Variants in MTUS1 observed in about 807,000 individuals in gnomAD.
MTUS1 encodes the protein microtubule-associated tumor suppressor 1.
MTUS1 carries 109 observed loss-of-function variants against 120.8 expected under a neutral mutation model. The observed-to-expected ratio is 0.90, with a 90% CI of 0.77 to 1.06. The LOEUF is 1.06. MTUS1 is among the 50% of genes least tolerant of loss of function. The pLI is 0.00. For missense variants in MTUS1, 2,210 were observed against 1,486.3 expected (o/e 1.49, Z -8.01); for synonymous variants, 737 against 550.5 (o/e 1.34, Z -4.74).
chr8:17,708,390 CAAT>C (rs1820579674), intron 6 of MTUS1, among the ~76,000 whole-genome samples: 1 of 152,112 alleles, frequency 6.6e-6, no homozygotes, highest in Non-Finnish European at 1.5e-5. Context: ...ATTGAAACAA[CAAT>C]GAGGTATCAC....
intron 5 of MTUS1, among the ~76,000 whole-genome samples, chr8:17,715,358 TAAAG>T (rs1412531209): frequency 6.6e-6 from 1 of 152,116 alleles, no homozygotes; most frequent in African/African-American, 2.4e-5. Flanking sequence ...GGAACAGAGA[TAAAG>T]AACATTTAGA....
chr8:17,648,212 C>G (rs770278878), intron 13 of MTUS1, among the ~76,000 whole-genome samples: 5 of 152,168 alleles, frequency 3.3e-5, no homozygotes, highest in Admixed American at 6.5e-5. Context: ...TTCTAAGTCT[C>G]TTAATTTCAT....
intron 1 of MTUS1, among the ~76,000 whole-genome samples, chr8:17,787,272 G>C (rs1287467197): frequency 6.6e-6 from 1 of 152,202 alleles, no homozygotes; most frequent in Non-Finnish European, 1.5e-5. Context: ...AAAGTCCACA[G>C]TGTTCCCACA....
In MTUS1 at chr8:17,644,863, T is replaced by A. The variant is rs1484618372; in HGVS notation, c.*1063A>T. 6.6e-6 allele frequency: 1 copy of A among 152,186 alleles called. No homozygotes were observed. Among genetic ancestry groups the A allele is most frequent in the African/African-American group, 2.4e-5 (1 of 41,436 alleles). The allele number at this position is 152,186 out of a possible 1,614,324, so 9.4% of individuals were successfully genotyped here. A position where few individuals can be genotyped will look rare whatever the true frequency, so the allele number is the denominator to read the frequency against. ...GCTCTGGGGCTCTGGAAAATCATAT[T>A]CCTTTATCCTTGTCCCAGAGAAAAG... On this transcript the variant is annotated 3_prime_UTR_variant, in exon 15 of 15. Coordinates refer to ENST00000693296, the MANE Select transcript of MTUS1 (RefSeq NM_001363059.2).
chr8:17,739,548 T>C (rs193023695), intron 3 of MTUS1, among the ~76,000 whole-genome samples: 1 of 152,100 alleles, frequency 6.6e-6, no homozygotes, highest in East Asian at 1.9e-4. Context: ...CTCATGGCCA[T>C]ACTAATAGTA....
chr8:17,675,679 T>C (rs1373226996), intron 7 of MTUS1, among the ~76,000 whole-genome samples: 1 of 152,156 alleles, frequency 6.6e-6, no homozygotes, highest in Non-Finnish European at 1.5e-5. Context: ...TGTCCTATAT[T>C]TGCACATAAA....
intron 3 of MTUS1, among the ~76,000 whole-genome samples, chr8:17,728,789 G>A (rs1196827888): frequency 2.6e-5 from 4 of 151,010 alleles, no homozygotes; most frequent in South Asian, 2.1e-4. Context: ...GGTTGGGGGG[G>A]TCGGGGAGGG....
intron 1 of MTUS1, among the ~76,000 whole-genome samples, chr8:17,758,461 T>C (rs2048792107): frequency 6.6e-6 from 1 of 152,256 alleles, no homozygotes; most frequent in South Asian, 2.1e-4. Flanking sequence ...TATAACTCCT[T>C]AGTGAAATCA....
chr8:17,709,377 C>G (rs899436875), intron 6 of MTUS1, among the ~76,000 whole-genome samples: 1 of 152,156 alleles, frequency 6.6e-6, no homozygotes, highest in Admixed American at 6.6e-5. Context: ...ACAAGACAAC[C>G]CTCCTTCCTA....
rs1270356149 is a variant in MTUS1, at chr8:17,700,298, G to A, written c.2623+12916C>T. On this transcript the variant is annotated intron_variant, in intron 6 of 14. Coordinates refer to ENST00000693296, the MANE Select transcript of MTUS1 (RefSeq NM_001363059.2). ...AGCCTGGCCAACATGGTGAAACCCC[G>A]TCTCTACTAAAAACACAAAAAATTA... is the stretch of plus-strand genomic sequence containing the variant. Among the ~76,000 whole-genome samples the A allele has an allele frequency of 4.6e-5, 7 of 151,672 alleles. No individual in the cohort carries two copies. The East Asian group carries it at 1.2e-3, about 25-fold the overall frequency.
At chr8:17,740,185 TC>T (rs148605375) in intron 3 of MTUS1, among the ~76,000 whole-genome samples, 2,438 of 150,682 alleles carry the variant, frequency 0.016, 75 homozygotes, top group African/African-American at 0.056. Flanking sequence ...TCCAGCCTGA[TC>T]AACAGAGCGA....
At chr8:17,732,768 A>G (rs113451367) in intron 3 of MTUS1, among the ~76,000 whole-genome samples, 38 of 152,202 alleles carry the variant, frequency 2.5e-4, no homozygotes, top group African/African-American at 7.0e-4. Context: ...CAACATGGTC[A>G]TGTTCATCCG....
At position 17,655,905 on chromosome 8, in the gene MTUS1, G is replaced by A. The variant is rs12224; in HGVS notation, c.3066C>T (p.Tyr1022=). The A allele has an allele frequency of 0.084, 135,109 of 1,614,014 alleles. 6,236 individuals are homozygous for A. Among genetic ancestry groups the A allele is most frequent in the African/African-American group, 0.12 (8,699 of 75,020 alleles). Residue 1022 remains tyrosine (Y), a synonymous_variant, in exon 9 of 15, where the codon TAC becomes TAT. Coordinates refer to ENST00000693296, the MANE Select transcript of MTUS1 (RefSeq NM_001363059.2). ...TREYEKLRDT[Y]IEEAEKYKMQ... is the part of the protein sequence containing the mutation. ...TTTTGTACTTCTCTGCTTCTTCAAT[G>A]TAAGTGTCCCGAAGCTTTTCATACT...
chr8:17,656,228 T>C lies in MTUS1; in HGVS notation c.2906-163A>G, dbSNP rs576647653. ...CAAATATAACAGTATGGAAGTGAAC[T>C]GTAAAAAGGAACACGAGGGCAGGGC... On this transcript the variant is annotated intron_variant, in intron 8 of 14. Transcript: ENST00000693296. 4.4e-3 allele frequency among the ~76,000 whole-genome samples: 671 copies of C among 152,242 alleles called. 9 individuals are homozygous for C. Among genetic ancestry groups the C allele is most frequent in the African/African-American group, 0.015 (622 of 41,536 alleles).
chr8:17,762,604 G>C (rs1179082140), intron 1 of MTUS1, among the ~76,000 whole-genome samples: 2 of 152,158 alleles, frequency 1.3e-5, no homozygotes, highest in Admixed American at 6.5e-5. Context: ...CTATGAAGTT[G>C]CTTAAATCAA....
At chr8:17,725,423 C>CT (rs2046160117) in intron 3 of MTUS1, among the ~76,000 whole-genome samples, 1 of 152,198 alleles carries the variant, frequency 6.6e-6, no homozygotes, top group Admixed American at 6.5e-5. Flanking sequence ...CTCCTACATC[C>CT]ATGTGTGCTC....
intron 6 of MTUS1, among the ~76,000 whole-genome samples, chr8:17,695,677 A>G (rs937357098): frequency 6.6e-6 from 1 of 152,224 alleles, no homozygotes; most frequent in African/African-American, 2.4e-5. Flanking sequence ...TGACTTACCC[A>G]ATAATGGAAT....
At chr8:17,674,095 G>A (rs1434133433) in intron 8 of MTUS1, among the ~76,000 whole-genome samples, 2 of 152,176 alleles carry the variant, frequency 1.3e-5, no homozygotes, top group Non-Finnish European at 2.9e-5. Context: ...AGGGCAGAGA[G>A]AAGAACCCCA....
At chr8:17,658,024 G>GACACACACACACAC (rs58132896) in intron 8 of MTUS1, among the ~76,000 whole-genome samples, 14,917 of 140,352 alleles carry the variant, frequency 0.11, 1,103 homozygotes, top group Middle Eastern at 0.19. Flanking sequence ...TATATATATA[G>GACACACACACACAC]ACACACACAC....
Sources: gnomAD v4.1 joint callset for allele counts (sites outside exome capture counted in the v4.1 genomes callset) on GRCh38, gnomAD v4.1.1 for gene constraint, MANE v1.5 for transcripts, NCBI Gene and HGNC (gene_info 2026-07-23, HGNC 2026-07-21) for gene names.